The following GSDMC variants were observed in gnomAD, a reference collection of about 807,000 sequenced individuals.
GSDMC encodes the protein gasdermin C.
In GSDMC, 59 loss-of-function variants were observed where a neutral mutation model predicts 58.0. That is an observed-to-expected ratio of 1.02 (90% CI 0.82 to 1.26). GSDMC has a LOEUF of 1.26. Ranked by LOEUF, GSDMC falls within the 50% of genes most tolerant of loss-of-function variation. The probability of loss-of-function intolerance (pLI) is 0.00; values close to 1 mark genes in which losing one functional copy is unlikely to be tolerated. For synonymous variants in GSDMC, 241 were observed against 220.2 expected, an observed-to-expected ratio of 1.09 and a Z score of -0.83; for missense variants, 659 against 598.5, an observed-to-expected ratio of 1.10 and a Z score of -1.06.
the GSDMC span, chr8:129,730,108 A>G: frequency 1.0e-6 from 1 of 961,286 alleles, no homozygotes; most frequent in Non-Finnish European, 1.5e-6. Context: ...AACACTATTC[A>G]GGTGTTTCTG....
At chr8:129,758,368 G>A (rs2033524611) in intron 6 of GSDMC, among the ~76,000 whole-genome samples, 1 of 152,114 alleles carries the variant, frequency 6.6e-6, no homozygotes, top group Non-Finnish European at 1.5e-5. Context: ...CTTAGCTAGA[G>A]CAATCAGACA....
At chr8:129,734,842 G>A in the GSDMC span, among the ~76,000 whole-genome samples, 17 of 152,274 alleles carry the variant, frequency 1.1e-4, no homozygotes, top group African/African-American at 3.9e-4. Flanking sequence ...TGGGCTAAAT[G>A]TTCCAATTAA....
intron 3 of GSDMC, among the ~76,000 whole-genome samples, chr8:129,770,485 G>A (rs997372049): frequency 6.6e-6 from 1 of 152,110 alleles, no homozygotes; most frequent in African/African-American, 2.4e-5. Flanking sequence ...AACAGAGTAA[G>A]ACTGTCTCAA....
rs751856345 is a variant in GSDMC at position 129,752,834 on chromosome 8, G to C, written c.722-14C>G. 3.1e-6 allele frequency: 5 copies of C among 1,614,094 alleles called. No individual in the cohort carries two copies. Among genetic ancestry groups the C allele is most frequent in the East Asian group, 2.2e-5 (1 of 44,868 alleles). On this transcript the variant is annotated splice_polypyrimidine_tract_variant and intron_variant, in intron 6 of 13. Transcript: ENST00000276708. ...AAATTTCGTACTCTTGGGAGAGAGG[G>C]AGAGCAGAATGACTGGGTAACTTTA...
At chr8:129,765,201 C>T (rs2033812557) in intron 4 of GSDMC, among the ~76,000 whole-genome samples, 1 of 152,124 alleles carries the variant, frequency 6.6e-6, no homozygotes, top group South Asian at 2.1e-4. Flanking sequence ...TGATCTCACT[C>T]CTTGAAATAT....
At chr8:129,742,784 A>C in the GSDMC span, among the ~76,000 whole-genome samples, 3 of 152,086 alleles carry the variant, frequency 2.0e-5, no homozygotes, top group African/African-American at 7.2e-5. Flanking sequence ...CCATTATTTC[A>C]TATATTTTGT....
downstream of GSDMC, among the ~76,000 whole-genome samples, chr8:129,746,223 A>G (rs2032958450): frequency 6.6e-6 from 1 of 152,232 alleles, no homozygotes; most frequent in South Asian, 2.1e-4. Flanking sequence ...AAATACTTTA[A>G]TAAGGTAAAA....
chr8:129,771,164 T>C (rs564434493), intron 3 of GSDMC, among the ~76,000 whole-genome samples: 269 of 151,602 alleles, frequency 1.8e-3, no homozygotes, highest in African/African-American at 6.1e-3. Flanking sequence ...CACATAAATA[T>C]ATAAATCAAA....
At chr8:129,725,178 T>C in the GSDMC span, among the ~76,000 whole-genome samples, 11 of 152,210 alleles carry the variant, frequency 7.2e-5, no homozygotes, top group Non-Finnish European at 4.4e-5. Flanking sequence ...TATTAGACTA[T>C]CTGTTGGAGT....
At chr8:129,737,685 GT>G in the GSDMC span, among the ~76,000 whole-genome samples, 1 of 152,150 alleles carries the variant, frequency 6.6e-6, no homozygotes, top group African/African-American at 2.4e-5. Context: ...AGACTTAAAT[GT>G]AAGACCTAAA....
At chr8:129,770,730 A>G (rs2034019407) in intron 3 of GSDMC, among the ~76,000 whole-genome samples, 1 of 152,128 alleles carries the variant, frequency 6.6e-6, no homozygotes, top group Non-Finnish European at 1.5e-5. Flanking sequence ...AAGGAAAGAA[A>G]AAAACTATAA....
intron 10 of GSDMC, 59 bp downstream of exon 10, chr8:129,751,483 G>A: frequency 7.0e-7 from 1 of 1,432,364 alleles, no homozygotes; most frequent in Non-Finnish European, 9.7e-7. Flanking sequence ...ACCAACTTGG[G>A]TGCTCAGACT....
chr8:129,724,302 T>G, the GSDMC span, among the ~76,000 whole-genome samples: 1 of 152,210 alleles, frequency 6.6e-6, no homozygotes, highest in African/African-American at 2.4e-5. Flanking sequence ...ATTCCCAAAT[T>G]CTTAACCAGC....
intron 3 of GSDMC, among the ~76,000 whole-genome samples, chr8:129,769,935 C>T (rs753456528): frequency 1.4e-4 from 22 of 151,942 alleles, no homozygotes; most frequent in Middle Eastern, 3.4e-3. Context: ...TAATTAACAA[C>T]GTAAAACACA....
the GSDMC span, among the ~76,000 whole-genome samples, chr8:129,737,492 C>A: frequency 1.3e-5 from 2 of 152,210 alleles, no homozygotes; most frequent in African/African-American, 4.8e-5. Context: ...TACCACACAT[C>A]TACAACCTTC....
chr8:129,721,221 C>G, the GSDMC span, among the ~76,000 whole-genome samples: 6 of 152,296 alleles, frequency 3.9e-5, no homozygotes, highest in East Asian at 1.9e-4. Context: ...GAAATGGTCT[C>G]TCTGCATTGA....
the GSDMC span, among the ~76,000 whole-genome samples, chr8:129,721,296 A>G: frequency 1.3e-5 from 2 of 152,118 alleles, no homozygotes; most frequent in East Asian, 1.9e-4. Flanking sequence ...CAACATGTCT[A>G]CAGTAGGTTT....
chr8:129,766,507 G>A (rs994346836), intron 3 of GSDMC, among the ~76,000 whole-genome samples: 5 of 152,202 alleles, frequency 3.3e-5, no homozygotes, highest in Non-Finnish European at 7.3e-5. Context: ...GAAGGTTACT[G>A]CGCACACAAT....
At chr8:129,717,910 C>T in the GSDMC span, among the ~76,000 whole-genome samples, 3 of 152,108 alleles carry the variant, frequency 2.0e-5, no homozygotes, top group African/African-American at 7.2e-5. Flanking sequence ...CTGACAAAAA[C>T]AAGCAATAGG....
Sources: gnomAD v4.1 joint callset for allele counts (sites outside exome capture counted in the v4.1 genomes callset) on GRCh38, gnomAD v4.1.1 for gene constraint, MANE v1.5 for transcripts, NCBI Gene and HGNC (gene_info 2026-07-23, HGNC 2026-07-21) for gene names.